Variants in KIF13B observed in about 807,000 individuals in gnomAD.
KIF13B encodes the protein kinesin family member 13B.
In KIF13B, 127 loss-of-function variants were observed where a neutral mutation model predicts 222.0. The observed-to-expected ratio is 0.57, with a 90% CI of 0.50 to 0.66. KIF13B has a LOEUF of 0.66. Ranked by LOEUF, KIF13B falls within the 30% of genes least tolerant of loss-of-function variation. The probability of loss-of-function intolerance (pLI) is 0.00; values close to 1 mark genes in which losing one functional copy is unlikely to be tolerated. For synonymous variants in KIF13B, 976 were observed against 919.0 expected, an observed-to-expected ratio of 1.06 and a Z score of -1.12; for missense variants, 2,173 against 2,379.0, an observed-to-expected ratio of 0.91 and a Z score of 1.80.
intron 37 of KIF13B, 128 bp downstream of exon 37, chr8:29,092,617 T>TA: frequency 1.1e-6 from 1 of 901,064 alleles, no homozygotes; most frequent in East Asian, 2.7e-5. Flanking sequence ...GACCGACAGC[T>TA]GTTTCTGGGT....
chr8:29,131,034 C>T (rs759962086), intron 23 of KIF13B, among the ~76,000 whole-genome samples: 9 of 152,172 alleles, frequency 5.9e-5, no homozygotes, highest in Admixed American at 1.3e-4. Flanking sequence ...TTGGATACAG[C>T]TCGAGGCTAT....
intron 2 of KIF13B, among the ~76,000 whole-genome samples, chr8:29,213,543 G>A (rs569572551): frequency 1.1e-4 from 16 of 152,258 alleles, no homozygotes; most frequent in African/African-American, 3.1e-4. Context: ...CAGATGGTGC[G>A]GCCTACTATG....
intron 12 of KIF13B, among the ~76,000 whole-genome samples, chr8:29,164,129 CT>C (rs1283023131): frequency 6.6e-6 from 1 of 152,268 alleles, no homozygotes; most frequent in Admixed American, 6.5e-5. Flanking sequence ...TAATTTTTAT[CT>C]ACTTTGAAAA....
chr8:29,220,861 A>T (rs1814710154), intron 2 of KIF13B, among the ~76,000 whole-genome samples: 1 of 152,190 alleles, frequency 6.6e-6, no homozygotes, highest in Admixed American at 6.5e-5. Flanking sequence ...AGAAAATCTC[A>T]GTACTTTGGG....
intron 32 of KIF13B, among the ~76,000 whole-genome samples, chr8:29,110,366 G>A (rs568651593): frequency 5.9e-5 from 9 of 152,184 alleles, no homozygotes; most frequent in African/African-American, 1.7e-4. Flanking sequence ...GGATTTTGTC[G>A]ACTAGCCAGA....
intron 37 of KIF13B, among the ~76,000 whole-genome samples, chr8:29,075,835 C>T (rs1563680459): frequency 6.6e-6 from 1 of 152,144 alleles, no homozygotes; most frequent in Non-Finnish European, 1.5e-5. Flanking sequence ...CCCTGGGCAT[C>T]GGAAACTAAC....
intron 2 of KIF13B, among the ~76,000 whole-genome samples, chr8:29,212,001 T>C (rs971367378): frequency 2.0e-5 from 3 of 152,210 alleles, no homozygotes; most frequent in Non-Finnish European, 2.9e-5. Flanking sequence ...GTTTTTAAGA[T>C]TCATTCATGC....
At chr8:29,257,345 T>A (rs970778932) in intron 1 of KIF13B, among the ~76,000 whole-genome samples, 2 of 151,990 alleles carry the variant, frequency 1.3e-5, no homozygotes, top group Non-Finnish European at 2.9e-5. Flanking sequence ...TTTTGTTTTT[T>A]TTTTTAAAGA....
At chr8:29,260,703 G>A (rs1055451022) in intron 1 of KIF13B, among the ~76,000 whole-genome samples, 2 of 151,410 alleles carry the variant, frequency 1.3e-5, no homozygotes, top group East Asian at 1.9e-4. Context: ...TGCAACCTCC[G>A]CCTCCTGGGT....
At position 29,071,702 on chromosome 8, in the gene KIF13B, G is replaced by T; in HGVS notation, c.5136C>A (p.His1712Gln). The change falls in exon 39 of 40, where the codon CAC becomes CAA. Residue 1712 changes from histidine to glutamine, a missense_variant. Transcript: ENST00000524189. This position sits in a 1 kb window ranked among gnomAD's most constrained non-coding sequence, Gnocchi z 4.9. The part of the protein sequence containing the change: ...REGEFVTVGA[H>Q]KTGVVRYVGP... ...CCACGTATCTCACCACGCCCGTTTT[G>T]TGGGCGCCCACGGTGACGAACTCGC... 1 of 1,551,636 alleles carries T rather than the reference G, an allele frequency of 6.4e-7. No individual in the cohort carries two copies. Among genetic ancestry groups the T allele is most frequent in the Non-Finnish European group, 8.7e-7 (1 of 1,147,546 alleles).
intron 19 of KIF13B, among the ~76,000 whole-genome samples, chr8:29,141,071 C>T (rs994812509): frequency 6.6e-6 from 1 of 151,890 alleles, no homozygotes; most frequent in Non-Finnish European, 1.5e-5. Flanking sequence ...TGAGCCCTCA[C>T]ACCTATAATC....
chr8:29,249,605 A>G (rs1306465355), intron 1 of KIF13B, among the ~76,000 whole-genome samples: 1 of 152,200 alleles, frequency 6.6e-6, no homozygotes, highest in Non-Finnish European at 1.5e-5. Flanking sequence ...AACTCACATA[A>G]TTAAGCCAAA....
intron 1 of KIF13B, among the ~76,000 whole-genome samples, chr8:29,261,652 G>T (rs1379632824): frequency 6.6e-6 from 1 of 152,106 alleles, no homozygotes; most frequent in Non-Finnish European, 1.5e-5. Flanking sequence ...GACGTTTATT[G>T]TGTGTTGTCA....
chr8:29,217,853 G>T (rs1241594441), intron 2 of KIF13B, among the ~76,000 whole-genome samples: 1 of 152,180 alleles, frequency 6.6e-6, no homozygotes, highest in South Asian at 2.1e-4. Flanking sequence ...AGTGTGGGGG[G>T]CTATCAGGAC....
chr8:29,109,559 C>G lies in KIF13B; in HGVS notation c.4084-48G>C, dbSNP rs1472250944. 3 of 1,478,936 alleles carry G rather than the reference C, an allele frequency of 2.0e-6. No homozygotes were observed. In the South Asian group the frequency reaches 3.4e-5, roughly 17 times the overall value. 91.6% of individuals were successfully genotyped at this position (1,478,936 alleles called of 1,614,324 possible). On this transcript the variant is annotated intron_variant, in intron 33 of 39. Transcript: ENST00000524189. ...AGGAAAAAGACATGTAAGAGACACA[C>G]TGCAAAAGCAACACCATGTACAGCA...
intron 36 of KIF13B, among the ~76,000 whole-genome samples, chr8:29,095,417 G>T (rs1213747380): frequency 6.6e-6 from 1 of 152,178 alleles, no homozygotes; most frequent in Non-Finnish European, 1.5e-5. Flanking sequence ...ACAAAACAGT[G>T]AAATAAAGAT....
Position 29,070,211 on chromosome 8 carries a change from A to T in KIF13B, c.*293T>A. ...CCAGGCACAGGCACACAGCAAGATC[A>T]CCAGGCGCTGCACCACCCAGGGTCT... On this transcript the variant is annotated 3_prime_UTR_variant, in exon 40 of 40. Transcript: ENST00000524189. This position sits in a 1 kb window ranked among gnomAD's most constrained non-coding sequence, Gnocchi z 4.1. The T allele has an allele frequency of 2.1e-6, 1 of 479,648 alleles. No homozygotes were observed. The highest frequency in any genetic ancestry group is 3.9e-5 in the Admixed American group (1 of 25,340). 29.7% of individuals were successfully genotyped at this position (479,648 alleles called of 1,614,324 possible).
At position 29,161,883 on chromosome 8, in the gene KIF13B, T is replaced by C. The variant is rs1277620973; in HGVS notation, c.1270-1016A>G. Among the ~76,000 whole-genome samples, 5 of 152,136 alleles carry C rather than the reference T, an allele frequency of 3.3e-5. No individual in the cohort carries two copies. In the South Asian group the frequency reaches 6.2e-4, roughly 19 times the overall value. On this transcript the variant is annotated intron_variant, in intron 12 of 39. Coordinates refer to ENST00000524189, the MANE Select transcript of KIF13B (RefSeq NM_015254.4). ...CTGTGTGGGTATGGATCCTATCTTA[T>C]ATACTGTTGTGTTCCCAGCACTTAG... is the stretch of plus-strand genomic sequence containing the variant.
At chr8:29,262,917 G>T in intron 1 of KIF13B, 63 bp downstream of exon 1, 1 of 1,412,686 alleles carries the variant, frequency 7.1e-7, no homozygotes, top group Admixed American at 2.4e-5. Context: ...CGGCGGCCGA[G>T]GGAAGGGCGC....
Sources: gnomAD v4.1 joint callset for allele counts (sites outside exome capture counted in the v4.1 genomes callset) on GRCh38, gnomAD v4.1.1 for gene constraint, Gnocchi (gnomAD v3.1) non-coding constraint, MANE v1.5 for transcripts, NCBI Gene and HGNC (gene_info 2026-07-23, HGNC 2026-07-21) for gene names.